The following CEP68 variants were observed in gnomAD, a reference collection of about 807,000 sequenced individuals.
CEP68 encodes the protein centrosomal protein of 68 kDa.
CEP68 carries 26 observed loss-of-function variants against 55.3 expected under a neutral mutation model. That is an observed-to-expected ratio of 0.47 (90% CI 0.34 to 0.65). CEP68 has a LOEUF of 0.65. CEP68 is among the 30% of genes least tolerant of loss of function. CEP68 has a pLI of 0.01. For missense variants in CEP68, 957 were observed against 946.7 expected (o/e 1.01, Z -0.14); for synonymous variants, 402 against 383.2 (o/e 1.05, Z -0.57).
chr2:65,082,424 G>T, intron 5 of CEP68, 112 bp from the exon 6 acceptor site: 1 of 885,340 alleles, frequency 1.1e-6, no homozygotes, highest in Non-Finnish European at 1.6e-6. Flanking sequence ...CTACTGCCAG[G>T]TCCTACTTTG....
chr2:65,074,776 C>A (rs1389014245), intron 4 of CEP68: 1 of 228,232 alleles, frequency 4.4e-6, no homozygotes, highest in Non-Finnish European at 8.6e-6. Flanking sequence ...CCCCCCCCCT[C>A]AAAAAAAAGT....
rs775151611 is a variant in CEP68, at chr2:65,071,915, C to T, written c.819C>T (p.Tyr273=). The T allele has an allele frequency of 2.5e-6, 4 of 1,613,098 alleles. No homozygotes were observed. Among genetic ancestry groups the T allele is most frequent in the African/African-American group, 1.3e-5 (1 of 74,872 alleles). ...GACGCCTCTCCTTCCAGGCTGAGTACTGGGCCTGTGTGCTGCCAGATTCCC... is the reference window on the plus strand; with the variant it reads ...GACGCCTCTCCTTCCAGGCTGAGTATTGGGCCTGTGTGCTGCCAGATTCCC... ...GRRRLSFQAE[Y]WACVLPDSLP... Residue 273 remains tyrosine (Y), a synonymous_variant, in exon 3 of 7, where the codon TAC becomes TAT. Transcript: ENST00000377990.
intron 1 of CEP68, among the ~76,000 whole-genome samples, chr2:65,058,865 G>A (rs1032601886): frequency 1.1e-4 from 17 of 152,058 alleles, no homozygotes; most frequent in Admixed American, 1.3e-4. Flanking sequence ...CACAGTGAAA[G>A]TATTCCGTAG....
chr2:65,074,482 A>G (rs755573237), intron 4 of CEP68, 78 bp downstream of exon 4: 3 of 1,595,798 alleles, frequency 1.9e-6, no homozygotes, highest in African/African-American at 2.7e-5. Context: ...TAAAATCTCA[A>G]ATAACCAATG....
At chr2:65,079,538 C>G (rs192304030) in intron 5 of CEP68, among the ~76,000 whole-genome samples, 1 of 152,298 alleles carries the variant, frequency 6.6e-6, no homozygotes, top group Admixed American at 6.5e-5. Context: ...CTTTTAAGGC[C>G]TTTGTTTTGG....
At position 65,080,788 on chromosome 2, in the gene CEP68, A is replaced by T. The variant is rs185421919; in HGVS notation, c.2105-1748A>T. On this transcript the variant is annotated intron_variant, in intron 5 of 6. Transcript: ENST00000377990. ...AGCCGAGATCACGCCACTGTACTCC[A>T]GCCTGGGCAACAAGAGTAAGACTCC... 7.0e-4 allele frequency among the ~76,000 whole-genome samples: 107 copies of T among 152,194 alleles called. 2 individuals carry two copies. The highest frequency in any genetic ancestry group is 4.3e-3 in the Admixed American group (66 of 15,280).
chr2:65,056,994 A>G (rs1171894419), intron 1 of CEP68, among the ~76,000 whole-genome samples: 1 of 152,016 alleles, frequency 6.6e-6, no homozygotes, highest in Non-Finnish European at 1.5e-5. Context: ...CCCTGGAAAG[A>G]TGGAGACCAG....
At chr2:65,080,266 T>C (rs1454042814) in intron 5 of CEP68, 1 of 985,288 alleles carries the variant, frequency 1.0e-6, no homozygotes, top group African/African-American at 1.7e-5. Context: ...GGGTTTTCTT[T>C]GGTTTTCAGA....
chr2:65,057,090 A>G, intron 1 of CEP68, among the ~76,000 whole-genome samples: 1 of 152,240 alleles, frequency 6.6e-6, no homozygotes, highest in East Asian at 1.9e-4. Context: ...TACCCTTTCT[A>G]ACTGTCATCA....
At position 65,082,859 on chromosome 2, in the gene CEP68, G is replaced by C. The variant is rs148530553; in HGVS notation, c.*4+150G>C. The C allele has an allele frequency of 7.0e-3, 4,360 of 618,606 alleles. 30 individuals carry two copies. The highest frequency in any genetic ancestry group is 9.3e-3 in the Non-Finnish European group (3,544 of 382,078). The allele number at this position is 618,606 out of a possible 1,614,324, so 38.3% of individuals were successfully genotyped here. ...CAATGGTACTAAAAAAGGAGTTGCT[G>C]GTCTTCCTATGATGATGAAGGCTCA... On this transcript the variant is annotated intron_variant, in intron 6 of 6. Transcript: ENST00000377990.
Position 65,072,533 on chromosome 2 carries a change from TGAC to T in CEP68, c.1440_1442del (p.Asp480del). 1.2e-6 allele frequency: 2 copies of T among 1,613,884 alleles called. No homozygotes were observed. The highest frequency in any genetic ancestry group is 1.7e-6 in the Non-Finnish European group (2 of 1,179,986). ...AATCAGAAGAGGAAGTGGAAAGTGA[TGAC>T]GAGTATCTTGCCCTCCCCGCTCGGC... On this transcript the variant is annotated inframe_deletion, in exon 3 of 7. Coordinates refer to ENST00000377990, the MANE Select transcript of CEP68 (RefSeq NM_015147.3).
rs1368226181 is a variant in CEP68, at chr2:65,074,366, A to G, written c.1969A>G (p.Asn657Asp). 2 of 1,614,106 alleles carry G rather than the reference A, an allele frequency of 1.2e-6. No individual in the cohort carries two copies. Among genetic ancestry groups the G allele is most frequent in the South Asian group, 2.2e-5 (2 of 91,092 alleles). ...VTDHGTAARSNLTSLKSSLQL... is the reference protein window; with the variant it reads ...VTDHGTAARSDLTSLKSSLQL... ...TGACCACGGGACTGCAGCCAGGTCC[A>G]ATCTTACAAGTCTCAAGTCTTCTCT... The change falls in exon 4 of 7, where the codon AAT (asparagine) becomes GAT (aspartate). Residue 657 changes from asparagine (N) to aspartate (D), a missense_variant. Physicochemically the swap from Asn to Asp is conservative, Grantham distance 23. Coordinates refer to ENST00000377990, the MANE Select transcript of CEP68 (RefSeq NM_015147.3).
rs776709728 is a variant in CEP68 at position 65,074,502 on chromosome 2, T to TTA, written c.2007+101_2007+102dup. ...TCTCAAATAACCAATGTCTGGTATG[T>TTA]TATAGCTCAGTTGACTATTATACCT... On this transcript the variant is annotated intron_variant, in intron 4 of 6. Coordinates refer to ENST00000377990, the MANE Select transcript of CEP68 (RefSeq NM_015147.3). The TTA allele has an allele frequency of 7.7e-6, 12 of 1,551,882 alleles. No homozygotes were observed. The South Asian group carries it at 9.0e-5, about 12-fold the overall frequency.
At chr2:65,078,063 AGCCCCT>A in intron 5 of CEP68, 99 bp downstream of exon 5, 1 of 836,822 alleles carries the variant, frequency 1.2e-6, no homozygotes. Context: ...GTACCACAAG[AGCCCCT>A]GCCCACACCC....
intron 4 of CEP68, among the ~76,000 whole-genome samples, chr2:65,076,631 A>T (rs1676774759): frequency 1.1e-5 from 1 of 88,966 alleles, no homozygotes; most frequent in African/African-American, 3.7e-5. Context: ...ATATACTTGT[A>T]TTTTGTCTTA....
In CEP68 at chr2:65,072,714, C is replaced by A. The variant is rs554377541; in HGVS notation, c.1618C>A (p.Pro540Thr). The A allele has an allele frequency of 1.2e-6, 2 of 1,614,018 alleles. No individual in the cohort carries two copies. The highest frequency in any genetic ancestry group is 1.7e-6 in the Non-Finnish European group (2 of 1,180,032). Residue 540 changes from proline to threonine, a missense_variant, in exon 3 of 7, where the codon CCC (proline) becomes ACC (threonine). Transcript: ENST00000377990. ...FPSSSSQSQL[P>T]PGAALQGSGD... ...TTCAAGCTCCAGCCAAAGCCAGCTT[C>A]CCCCTGGAGCTGCCCTCCAAGGATC...
chr2:65,058,214 C>T (rs1416131004), intron 1 of CEP68, among the ~76,000 whole-genome samples: 1 of 152,030 alleles, frequency 6.6e-6, no homozygotes, highest in Middle Eastern at 3.2e-3. Context: ...CTTATCCGAT[C>T]CCTTTTTTTG....
intron 4 of CEP68, among the ~76,000 whole-genome samples, chr2:65,077,417 C>T (rs1382037076): frequency 2.6e-5 from 4 of 152,202 alleles, no homozygotes; most frequent in Non-Finnish European, 5.9e-5. Context: ...GTAGTTACCC[C>T]TGTGGTCTGC....
rs372705491 is a variant in CEP68, at chr2:65,079,990, G to C, written c.2104+2026G>C. 2.0e-5 allele frequency among the ~76,000 whole-genome samples: 3 copies of C among 152,214 alleles called. No individual in the cohort carries two copies. In the East Asian group the frequency reaches 5.8e-4, roughly 29 times the overall value. On this transcript the variant is annotated intron_variant, in intron 5 of 6. Transcript: ENST00000377990. ...CTCTACTAAAAATACAAAATTAGCT[G>C]GGCGTGGTGGGGAGCACCTGTAATC... is the stretch of plus-strand genomic sequence containing the variant.
Sources: gnomAD v4.1 joint callset for allele counts (sites outside exome capture counted in the v4.1 genomes callset) on GRCh38, gnomAD v4.1.1 for gene constraint, MANE v1.5 for transcripts, NCBI Gene and HGNC (gene_info 2026-07-23, HGNC 2026-07-21) for gene names.